Variants in DNAJC3 observed in about 807,000 individuals in gnomAD.
DNAJC3 encodes the protein DnaJ heat shock protein family (Hsp40) member C3.
In DNAJC3, 38 loss-of-function variants were observed where a neutral mutation model predicts 68.6. The observed-to-expected ratio is 0.55, with a 90% CI of 0.43 to 0.73. The LOEUF (loss-of-function observed/expected upper bound fraction) is 0.73. Among genes scored for constraint, DNAJC3 ranks in the 30% least tolerant of loss-of-function variants. The probability of loss-of-function intolerance (pLI) is 0.00; values close to 1 mark genes in which losing one functional copy is unlikely to be tolerated. For missense variants in DNAJC3, 526 were observed against 591.9 expected (o/e 0.89, Z 1.16); for synonymous variants, 203 against 204.0 (o/e 1.00, Z 0.04).
intron 2 of DNAJC3, among the ~76,000 whole-genome samples, chr13:95,712,710 A>G (rs553421213): frequency 5.9e-5 from 9 of 152,116 alleles, no homozygotes; most frequent in Admixed American, 1.3e-4. Context: ...CTGTCTTGCA[A>G]CCTTGCTGAA....
At chr13:95,736,412 C>G (rs900350525) in intron 4 of DNAJC3, among the ~76,000 whole-genome samples, 1 of 149,050 alleles carries the variant, frequency 6.7e-6, no homozygotes, top group East Asian at 2.0e-4. Context: ...TTACCTTGGG[C>G]AGTATGGCCA....
At chr13:95,789,288 C>G (rs916643328) in intron 11 of DNAJC3, among the ~76,000 whole-genome samples, 2 of 152,010 alleles carry the variant, frequency 1.3e-5, no homozygotes, top group Admixed American at 1.3e-4. Context: ...AGTTATTATT[C>G]CTGATCCTCT....
At chr13:95,704,013 A>G (rs1291839936) in intron 1 of DNAJC3, among the ~76,000 whole-genome samples, 1 of 152,194 alleles carries the variant, frequency 6.6e-6, no homozygotes, top group Non-Finnish European at 1.5e-5. Flanking sequence ...TCCATTGCAA[A>G]ATAGCACACT....
chr13:95,753,945 T>A (rs1470698399), intron 4 of DNAJC3, among the ~76,000 whole-genome samples: 1 of 152,202 alleles, frequency 6.6e-6, no homozygotes, highest in Non-Finnish European at 1.5e-5. Flanking sequence ...AAAAGCAATA[T>A]CTGTTTGGAA....
chr13:95,782,914 C>T (rs1213375201), intron 9 of DNAJC3, among the ~76,000 whole-genome samples: 1 of 152,106 alleles, frequency 6.6e-6, no homozygotes, highest in Non-Finnish European at 1.5e-5. Flanking sequence ...ATGGTATTGC[C>T]TAGGTTTTCT....
intron 4 of DNAJC3, among the ~76,000 whole-genome samples, chr13:95,756,620 T>G (rs1444900278): frequency 1.3e-5 from 2 of 152,194 alleles, no homozygotes; most frequent in African/African-American, 2.4e-5. Flanking sequence ...GGAATATGAT[T>G]GACTCATTGA....
At chr13:95,710,113 T>A (rs1450534001) in intron 2 of DNAJC3, among the ~76,000 whole-genome samples, 2 of 152,212 alleles carry the variant, frequency 1.3e-5, no homozygotes, top group Non-Finnish European at 2.9e-5. Flanking sequence ...TTCTTACTCA[T>A]GTCTGTCTGT....
At chr13:95,738,866 T>A (rs865835886) in intron 4 of DNAJC3, among the ~76,000 whole-genome samples, 2,544 of 152,042 alleles carry the variant, frequency 0.017, 76 homozygotes, top group African/African-American at 0.059. Flanking sequence ...TCCTGTCATT[T>A]TGATGTTAGC....
At chr13:95,774,819 G>A (rs1033843642) in intron 9 of DNAJC3, among the ~76,000 whole-genome samples, 3 of 151,992 alleles carry the variant, frequency 2.0e-5, no homozygotes, top group Non-Finnish European at 4.4e-5. Context: ...TGTTTGCATG[G>A]TGTGTCTGTC....
At chr13:95,679,223 AATTAACAAGAAGGTT>A (rs1879852056) in intron 1 of DNAJC3, among the ~76,000 whole-genome samples, 1 of 63,318 alleles carries the variant, frequency 1.6e-5, no homozygotes, top group African/African-American at 9.4e-5. Context: ...TTTTTTTTGT[AATTAACAAGAAGGTT>A]ATTTCCTGGG....
rs1417801310 is a variant in DNAJC3 at position 95,791,868 on chromosome 13, G to A, written c.*838G>A. On this transcript the variant is annotated 3_prime_UTR_variant, in exon 12 of 12. Coordinates refer to ENST00000602402, the MANE Select transcript of DNAJC3 (RefSeq NM_006260.5). Reference sequence around the variant, plus strand: ...ATACTTTTTAAACAACTGAAGTTCTGAGTTTTTATAGGGAATTTCATGTAA... The same window carrying A: ...ATACTTTTTAAACAACTGAAGTTCTAAGTTTTTATAGGGAATTTCATGTAA... The A allele has an allele frequency of 6.6e-6, 1 of 152,216 alleles. No homozygotes were observed. The highest frequency in any genetic ancestry group is 1.5e-5 in the Non-Finnish European group (1 of 68,034). The allele number at this position is 152,216 out of a possible 1,614,324, so 9.4% of individuals were successfully genotyped here.
At chr13:95,773,791 C>G (rs1334614246) in intron 9 of DNAJC3, among the ~76,000 whole-genome samples, 4 of 120,922 alleles carry the variant, frequency 3.3e-5, no homozygotes, top group African/African-American at 1.3e-4. Context: ...GGCTGGAGTA[C>G]AGTGGAGCGA....
intron 2 of DNAJC3, among the ~76,000 whole-genome samples, chr13:95,717,448 C>G (rs1299852519): frequency 1.3e-5 from 2 of 152,204 alleles, no homozygotes; most frequent in East Asian, 3.8e-4. Flanking sequence ...AGATTCTGAG[C>G]TATGCTACTA....
At chr13:95,711,044 G>T (rs550271573) in intron 2 of DNAJC3, among the ~76,000 whole-genome samples, 1 of 152,162 alleles carries the variant, frequency 6.6e-6, no homozygotes, top group South Asian at 2.1e-4. Context: ...TCATCCTATT[G>T]TTGTAATTTA....
chr13:95,791,446 T>TAAAG lies in DNAJC3; in HGVS notation c.*418_*421dup, dbSNP rs1322480992. On this transcript the variant is annotated 3_prime_UTR_variant, in exon 12 of 12. Transcript: ENST00000602402. The stretch of plus-strand genomic sequence containing the variant: ...GAGGATGGTTATACTTCAGTATTCT[T>TAAAG]AAAGAGAACATGAACATTTTTGAGC... 4 of 200,098 alleles carry TAAAG rather than the reference T, an allele frequency of 2.0e-5. No individual in the cohort carries two copies. Among genetic ancestry groups the TAAAG allele is most frequent in the South Asian group, 8.1e-5 (1 of 12,302 alleles). The allele number at this position is 200,098 out of a possible 1,614,324, so 12.4% of individuals were successfully genotyped here.
intron 3 of DNAJC3, 69 bp downstream of exon 3, chr13:95,723,435 A>G: frequency 6.5e-7 from 1 of 1,538,848 alleles, no homozygotes; most frequent in Non-Finnish European, 8.8e-7. Context: ...TTGTTTCATA[A>G]GGTGAGGACT....
chr13:95,790,732 T>G, intron 11 of DNAJC3, 141 bp from the exon 12 acceptor site: 1 of 971,674 alleles, frequency 1.0e-6, no homozygotes, highest in Non-Finnish European at 1.5e-6. Flanking sequence ...AGCCTGGATT[T>G]GAATGTCAGG....
intron 1 of DNAJC3, among the ~76,000 whole-genome samples, chr13:95,697,566 G>A (rs1222147891): frequency 6.6e-6 from 1 of 152,128 alleles, no homozygotes; most frequent in Non-Finnish European, 1.5e-5. Flanking sequence ...TATCTAGCAA[G>A]ATCAGGGGAT....
chr13:95,687,198 G>A (rs1880095084), intron 1 of DNAJC3, among the ~76,000 whole-genome samples: 2 of 152,112 alleles, frequency 1.3e-5, no homozygotes, highest in Non-Finnish European at 2.9e-5. Context: ...GTATAGAAAT[G>A]CTACAGATTT....
Sources: allele counts gnomAD v4.1 joint callset (sites outside exome capture counted in the v4.1 genomes callset), GRCh38; gene constraint gnomAD v4.1.1; transcripts MANE v1.5; gene names NCBI Gene and HGNC (gene_info 2026-07-23, HGNC 2026-07-21).